The following TNIK variants were observed in gnomAD, a reference collection of about 807,000 sequenced individuals.
TNIK encodes the protein TRAF2 and NCK-interacting protein kinase.
In TNIK, 49 loss-of-function variants were observed where a neutral mutation model predicts 191.3. The observed-to-expected ratio is 0.26, with a 90% CI of 0.20 to 0.32. TNIK has a LOEUF of 0.32. Among genes scored for constraint, TNIK ranks in the 10% least tolerant of loss-of-function variants. The probability of loss-of-function intolerance (pLI) is 1.00; values close to 1 mark genes in which losing one functional copy is unlikely to be tolerated. For missense variants in TNIK, 1,155 were observed against 1,702.3 expected, an observed-to-expected ratio of 0.68 and a Z score of 5.66; for synonymous variants, 594 against 600.9, an observed-to-expected ratio of 0.99 and a Z score of 0.17.
intron 1 of TNIK, among the ~76,000 whole-genome samples, chr3:171,415,580 T>C (rs1029890408): frequency 1.2e-4 from 19 of 152,004 alleles, no homozygotes; most frequent in African/African-American, 4.6e-4. Flanking sequence ...AATTAGTGCA[T>C]GGATGGGACA....
intron 1 of TNIK, among the ~76,000 whole-genome samples, chr3:171,376,234 T>G (rs1489319733): frequency 6.6e-6 from 1 of 152,154 alleles, no homozygotes; most frequent in Admixed American, 6.5e-5. Flanking sequence ...CAACATCATC[T>G]TCGAAAGTAC....
intron 1 of TNIK, among the ~76,000 whole-genome samples, chr3:171,418,599 G>C (rs1354507612): frequency 1.3e-5 from 2 of 152,166 alleles, no homozygotes; most frequent in Non-Finnish European, 2.9e-5. Flanking sequence ...AAGATTATAT[G>C]ATTTCACTTG....
Position 171,425,003 on chromosome 3 carries a change from C to T in TNIK, c.57+35004G>A, listed in dbSNP as rs111795784. Among the ~76,000 whole-genome samples, 655 of 150,800 alleles carry T rather than the reference C, an allele frequency of 4.3e-3. 4 individuals carry two copies. Among genetic ancestry groups the T allele is most frequent in the African/African-American group, 0.015 (622 of 41,086 alleles). On this transcript the variant is annotated intron_variant, in intron 1 of 32. Transcript: ENST00000436636. ...CATAATAAAAAAAAAAAACTGGGCA[C>T]ATGTTACTAAATAGAGGGAATGACT...
intron 2 of TNIK, among the ~76,000 whole-genome samples, chr3:171,360,924 T>C (rs1307853290): frequency 6.6e-6 from 1 of 152,186 alleles, no homozygotes; most frequent in Non-Finnish European, 1.5e-5. Flanking sequence ...TTCAAACCCT[T>C]GGAGGGCAAG....
At chr3:171,343,876 A>C (rs1354101549) in intron 2 of TNIK, among the ~76,000 whole-genome samples, 1 of 152,148 alleles carries the variant, frequency 6.6e-6, no homozygotes, top group African/African-American at 2.4e-5. Flanking sequence ...TAGATGCCTC[A>C]CTCACTTGTT....
chr3:171,415,987 A>AAG (rs1204996632), intron 1 of TNIK, among the ~76,000 whole-genome samples: 3 of 147,810 alleles, frequency 2.0e-5, no homozygotes, highest in African/African-American at 5.0e-5. Context: ...AAAAAAAAAA[A>AAG]AAAAAAAAAA....
At chr3:171,167,624 T>C (rs559769637) in intron 9 of TNIK, among the ~76,000 whole-genome samples, 20 of 152,310 alleles carry the variant, frequency 1.3e-4, no homozygotes, top group Non-Finnish European at 2.5e-4. Flanking sequence ...TAGCTGGGCC[T>C]TTAAAAATTA....
intron 2 of TNIK, among the ~76,000 whole-genome samples, chr3:171,338,291 T>C (rs1269488044): frequency 6.6e-6 from 1 of 152,160 alleles, no homozygotes; most frequent in Non-Finnish European, 1.5e-5. Flanking sequence ...GGGGTGTGTG[T>C]ATATATGAAA....
At chr3:171,259,070 A>C (rs1747259957) in intron 2 of TNIK, among the ~76,000 whole-genome samples, 1 of 152,154 alleles carries the variant, frequency 6.6e-6, no homozygotes, top group Non-Finnish European at 1.5e-5. Flanking sequence ...CTTACATCCC[A>C]CAAAGTCAAG....
intron 2 of TNIK, among the ~76,000 whole-genome samples, chr3:171,247,542 G>T (rs768800296): frequency 6.6e-6 from 1 of 152,168 alleles, no homozygotes; most frequent in Non-Finnish European, 1.5e-5. Context: ...TTCGGGGGCC[G>T]GGTAGACATC....
intron 1 of TNIK, among the ~76,000 whole-genome samples, chr3:171,411,980 C>T (rs1012684839): frequency 6.6e-6 from 1 of 152,082 alleles, no homozygotes; most frequent in African/African-American, 2.4e-5. Context: ...CTGATGACTG[C>T]TTGGTGGCTT....
chr3:171,248,464 A>AAT (rs1745858805), intron 2 of TNIK, among the ~76,000 whole-genome samples: 1 of 152,218 alleles, frequency 6.6e-6, no homozygotes, highest in Non-Finnish European at 1.5e-5. Flanking sequence ...AGGAGATAGT[A>AAT]CATGTTGGCT....
chr3:171,327,931 A>AAAAAAAAAAAAAC (rs1755982499), intron 2 of TNIK, among the ~76,000 whole-genome samples: 2 of 132,556 alleles, frequency 1.5e-5, no homozygotes, highest in Non-Finnish European at 3.2e-5. Flanking sequence ...AAAAAAAAAA[A>AAAAAAAAAAAAAC]TCACTTGTTT....
rs1491278983 is a variant in TNIK, at chr3:171,433,936, C to CATT, written c.57+26070_57+26071insAAT. On this transcript the variant is annotated intron_variant, in intron 1 of 32. Coordinates refer to ENST00000436636, the MANE Select transcript of TNIK (RefSeq NM_015028.4). ...AGAATATCTGTTTTCTTTTCTTTTT[C>CATT]CTTTTTTTTTTTTTTTTTTTTTTTT... is the stretch of plus-strand genomic sequence containing the variant. Among the ~76,000 whole-genome samples the CATT allele has an allele frequency of 4.5e-5, 5 of 112,124 alleles. No homozygotes were observed. In the East Asian group the frequency reaches 1.3e-3, roughly 30 times the overall value. 73.6% of individuals were successfully genotyped at this position (112,124 alleles called of 152,430 possible).
chr3:171,104,083 TTTCA>T (rs746211258), intron 21 of TNIK, among the ~76,000 whole-genome samples: 1 of 4,470 alleles, frequency 2.2e-4, no homozygotes, highest in Non-Finnish European at 4.4e-4. Context: ...TAAAGGAAAT[TTTCA>T]ATTAACAGTT....
At position 171,419,001 on chromosome 3, in the gene TNIK, T is replaced by C. The variant is rs1211852251; in HGVS notation, c.57+41006A>G. Among the ~76,000 whole-genome samples, 5 of 152,272 alleles carry C rather than the reference T, an allele frequency of 3.3e-5. No homozygotes were observed. In the South Asian group the frequency reaches 1.0e-3, roughly 32 times the overall value. ...TGGTCACCTTTCCACTGTGTCCCCA[T>C]ATGGCAGAGAGAGAGCAAGCTCTTT... On this transcript the variant is annotated intron_variant, in intron 1 of 32. Transcript: ENST00000436636.
At chr3:171,233,838 T>C (rs1743955136) in intron 2 of TNIK, among the ~76,000 whole-genome samples, 1 of 152,206 alleles carries the variant, frequency 6.6e-6, no homozygotes, top group Non-Finnish European at 1.5e-5. Flanking sequence ...CATCCACATA[T>C]CTACATCTGT....
intron 2 of TNIK, among the ~76,000 whole-genome samples, chr3:171,312,551 T>G (rs1320891469): frequency 1.3e-5 from 2 of 152,104 alleles, no homozygotes; most frequent in Non-Finnish European, 2.9e-5. Context: ...TTGGTGGGTA[T>G]CCAATGGGTC....
In TNIK at chr3:171,363,520, C is replaced by T. The variant is rs1268032698; in HGVS notation, c.123+6100G>A. Reference sequence around the variant, plus strand: ...GAAATTCTTGATTAAAAAACAAACGCCACTATTATCTATAAAACACACCAT... The same window carrying T: ...GAAATTCTTGATTAAAAAACAAACGTCACTATTATCTATAAAACACACCAT... On this transcript the variant is annotated intron_variant, in intron 2 of 32. Transcript: ENST00000436636. 5.3e-5 allele frequency among the ~76,000 whole-genome samples: 8 copies of T among 152,130 alleles called. No homozygotes were observed. In the East Asian group the frequency reaches 1.2e-3, roughly 22 times the overall value.
Sources: allele counts gnomAD v4.1 joint callset (sites outside exome capture counted in the v4.1 genomes callset), GRCh38; gene constraint gnomAD v4.1.1; transcripts MANE v1.5; gene names NCBI Gene and HGNC (gene_info 2026-07-23, HGNC 2026-07-21).